Variants in UST observed in about 807,000 individuals in gnomAD.
UST encodes the protein uronyl 2-sulfotransferase.
Under a neutral mutation model 45.6 loss-of-function variants are expected in UST, and 21 were observed. The observed-to-expected ratio is 0.46, with a 90% CI of 0.33 to 0.66. The LOEUF is 0.66. Among genes scored for constraint, UST ranks in the 30% least tolerant of loss-of-function variants. UST has a pLI of 0.02. For synonymous variants in UST, 215 were observed against 200.6 expected, an observed-to-expected ratio of 1.07 and a Z score of -0.61; for missense variants, 463 against 512.4, an observed-to-expected ratio of 0.90 and a Z score of 0.93.
chr6:148,753,428 T>A (rs1052755293), intron 1 of UST, among the ~76,000 whole-genome samples: 2 of 152,254 alleles, frequency 1.3e-5, no homozygotes, highest in Non-Finnish European at 2.9e-5. Context: ...GACATAATGT[T>A]TTCAAGGTTC....
chr6:148,834,804 G>A (rs1777756356), intron 1 of UST, among the ~76,000 whole-genome samples: 1 of 152,074 alleles, frequency 6.6e-6, no homozygotes, highest in African/African-American at 2.4e-5. Context: ...CTATGTGGGG[G>A]GATTTTTAAA....
At chr6:148,816,292 T>G (rs971838238) in intron 1 of UST, among the ~76,000 whole-genome samples, 12 of 152,184 alleles carry the variant, frequency 7.9e-5, no homozygotes, top group Non-Finnish European at 1.3e-4. Context: ...GAATGACAGC[T>G]GATATCAACA....
intron 4 of UST, among the ~76,000 whole-genome samples, chr6:148,956,822 C>A (rs989223872): frequency 6.6e-6 from 1 of 152,184 alleles, no homozygotes; most frequent in African/African-American, 2.4e-5. Context: ...TAAATGTTTT[C>A]CTTGCCTTTG....
At chr6:149,014,140 C>T (rs932833278) in intron 5 of UST, among the ~76,000 whole-genome samples, 3 of 152,202 alleles carry the variant, frequency 2.0e-5, no homozygotes, top group Admixed American at 2.0e-4. Flanking sequence ...TGTGAAAATT[C>T]GCTGACAGGG....
At chr6:148,838,180 C>T (rs753901514) in intron 1 of UST, among the ~76,000 whole-genome samples, 1 of 152,096 alleles carries the variant, frequency 6.6e-6, no homozygotes, top group Non-Finnish European at 1.5e-5. Context: ...CAGGAGGGGC[C>T]GTATGGGCGA....
In UST at chr6:149,007,675, C is replaced by T. The variant is rs574172309; in HGVS notation, c.682-11464C>T. The stretch of plus-strand genomic sequence containing the variant: ...CTGACCTCAGGTGATCCACCTGCCT[C>T]GGCCTCCCAAAATGCTGGGATTACA... On this transcript the variant is annotated intron_variant, in intron 5 of 7. Coordinates refer to ENST00000367463, the MANE Select transcript of UST (RefSeq NM_005715.3). Among the ~76,000 whole-genome samples, 14 of 151,956 alleles carry T rather than the reference C, an allele frequency of 9.2e-5. No individual in the cohort carries two copies. The East Asian group carries it at 2.3e-3, about 25-fold the overall frequency.
intron 5 of UST, among the ~76,000 whole-genome samples, chr6:148,993,706 G>A (rs1781397424): frequency 1.3e-5 from 2 of 152,160 alleles, no homozygotes; most frequent in African/African-American, 4.8e-5. Context: ...CCTCATGATA[G>A]TGAGTGAGTT....
intron 1 of UST, among the ~76,000 whole-genome samples, chr6:148,802,627 G>A (rs1227299819): frequency 6.6e-6 from 1 of 152,052 alleles, no homozygotes; most frequent in African/African-American, 2.4e-5. Flanking sequence ...CACTCTCTTG[G>A]CTCTTAACTA....
Position 148,896,658 on chromosome 6 carries a change from AAC to A in UST, c.291+9633_291+9634del, listed in dbSNP as rs150223190. On this transcript the variant is annotated intron_variant, in intron 2 of 7. Coordinates refer to ENST00000367463, the MANE Select transcript of UST (RefSeq NM_005715.3). ...TTATTTTTAATTATGAACTATTCCA[AAC>A]ACAAAAAAAATGAATGAGACTAATA... 3.5e-3 allele frequency among the ~76,000 whole-genome samples: 528 copies of A among 152,306 alleles called. 2 individuals carry two copies. Among genetic ancestry groups the A allele is most frequent in the Non-Finnish European group, 5.6e-3 (382 of 68,024 alleles).
intron 1 of UST, among the ~76,000 whole-genome samples, chr6:148,825,771 C>T (rs1289025125): frequency 6.6e-6 from 1 of 152,234 alleles, no homozygotes; most frequent in Non-Finnish European, 1.5e-5. Context: ...GAGTGACCAG[C>T]TTCTCCATGT....
At chr6:148,926,029 C>T (rs1329550790) in intron 2 of UST, among the ~76,000 whole-genome samples, 2 of 152,342 alleles carry the variant, frequency 1.3e-5, no homozygotes, top group East Asian at 3.9e-4. Flanking sequence ...TCTTCTCCAG[C>T]TACCTTTGGC....
At chr6:148,803,005 G>T (rs1013659713) in intron 1 of UST, among the ~76,000 whole-genome samples, 2 of 152,074 alleles carry the variant, frequency 1.3e-5, no homozygotes, top group Non-Finnish European at 2.9e-5. Context: ...GATGGTGATG[G>T]TATGAACATT....
chr6:148,820,892 T>G (rs13211473), intron 1 of UST, among the ~76,000 whole-genome samples: 48,706 of 144,368 alleles, frequency 0.34, 9,267 homozygotes, highest in East Asian at 0.72. Flanking sequence ...CAATAATGTC[T>G]TGTATAGATA....
intron 3 of UST, among the ~76,000 whole-genome samples, chr6:148,944,052 A>G (rs1304591607): frequency 6.6e-6 from 1 of 152,208 alleles, no homozygotes; most frequent in Non-Finnish European, 1.5e-5. Context: ...CAACGTGCAT[A>G]AACAGAAAAA....
intron 3 of UST, among the ~76,000 whole-genome samples, chr6:148,953,062 C>T (rs1204747009): frequency 3.3e-5 from 5 of 152,148 alleles, no homozygotes; most frequent in Admixed American, 2.0e-4. Flanking sequence ...AACACCAAGA[C>T]ATTTGGGGGT....
At chr6:148,978,370 C>T (rs1050955553) in intron 5 of UST, among the ~76,000 whole-genome samples, 3 of 152,108 alleles carry the variant, frequency 2.0e-5, no homozygotes, top group Non-Finnish European at 4.4e-5. Flanking sequence ...GACACATGCA[C>T]ATGTGTGTTT....
At chr6:148,855,386 G>T (rs1052467516) in intron 1 of UST, among the ~76,000 whole-genome samples, 1 of 152,158 alleles carries the variant, frequency 6.6e-6, no homozygotes, top group South Asian at 2.1e-4. Context: ...ACCAGGGGAG[G>T]ATTCACTCAC....
chr6:148,866,445 T>C (rs1778432454), intron 1 of UST, among the ~76,000 whole-genome samples: 1 of 152,104 alleles, frequency 6.6e-6, no homozygotes, highest in South Asian at 2.1e-4. Flanking sequence ...CTGGGGAAAT[T>C]TTTTGACCCC....
rs545294684 is a variant in UST, at chr6:149,030,724, GTGTGTTACCTTAACACACACACAAGA to G, written c.937+9251_937+9276del. Among the ~76,000 whole-genome samples, 313 of 151,664 alleles carry G rather than the reference GTGTGTTACCTTAACACACACACAAGA, an allele frequency of 2.1e-3. 1 individual carries two copies. The highest frequency in any genetic ancestry group is 1.5e-3 in the Non-Finnish European group (99 of 67,936). ...ATAATGTCAGCACTGGATCTTGTGT[GTGTGTTACCTTAACACACACACAAGA>G]TGTGTTATCTTAAGCCAGTGTGTTA... is the stretch of plus-strand genomic sequence containing the variant. On this transcript the variant is annotated intron_variant, in intron 7 of 7. Transcript: ENST00000367463.
Sources: allele counts gnomAD v4.1 joint callset (sites outside exome capture counted in the v4.1 genomes callset), GRCh38; gene constraint gnomAD v4.1.1; transcripts MANE v1.5; gene names NCBI Gene and HGNC (gene_info 2026-07-23, HGNC 2026-07-21).